The following ALDH3A1 variants were observed in gnomAD, a reference collection of about 807,000 sequenced individuals.
ALDH3A1 encodes the protein aldehyde dehydrogenase 3 family member A1.
A neutral mutation model predicts 49.9 loss-of-function variants in ALDH3A1; 46 were observed. That is an observed-to-expected ratio of 0.92 (90% confidence interval 0.73 to 1.18). ALDH3A1 has a LOEUF of 1.18. Among genes scored for constraint, ALDH3A1 ranks in the 50% most tolerant of loss-of-function variants. The probability of loss-of-function intolerance (pLI) is 0.00; values close to 1 mark genes in which losing one functional copy is unlikely to be tolerated. For missense variants in ALDH3A1, 592 were observed against 611.8 expected (o/e 0.97, Z 0.34); for synonymous variants, 269 against 253.3 (o/e 1.06, Z -0.59).
chr17:19,743,760 A>G lies in ALDH3A1; in HGVS notation c.163-297T>C. The G allele has an allele frequency of 1.0e-6, 1 of 965,262 alleles. No homozygotes were observed. The highest frequency in any genetic ancestry group is 1.2e-6 in the Non-Finnish European group (1 of 826,004). 59.8% of individuals were successfully genotyped at this position (965,262 alleles called of 1,614,324 possible). On this transcript the variant is annotated intron_variant, in intron 2 of 10. Transcript: ENST00000225740. The surrounding 1 kb of genome is among the most constrained non-coding windows in gnomAD (Gnocchi z 4.4). Reference sequence around the variant, plus strand: ...GAATGGATCCAGGTAGGGGGAATAGAGCCGGGCAGGGGAGAGTAGATTCAG... The same window carrying G: ...GAATGGATCCAGGTAGGGGGAATAGGGCCGGGCAGGGGAGAGTAGATTCAG...
chr17:19,739,208 G>A (rs976143242), intron 8 of ALDH3A1, 113 bp from the exon 9 acceptor site: 1 of 1,000,394 alleles, frequency 1.0e-6, no homozygotes, highest in Non-Finnish European at 1.5e-6. Context: ...GCAGGTGGAG[G>A]CAGAGCCTTA....
intron 6 of ALDH3A1, 62 bp from the exon 7 acceptor site, chr17:19,740,539 C>A: frequency 6.3e-7 from 1 of 1,585,924 alleles, no homozygotes; most frequent in Non-Finnish European, 8.6e-7. Flanking sequence ...CCAAAGGCTG[C>A]ACAGACACAG....
chr17:19,744,180 G>T, intron 2 of ALDH3A1: 1 of 933,230 alleles, frequency 1.1e-6, no homozygotes, highest in Non-Finnish European at 1.3e-6. Context: ...TCCTCCTGAG[G>T]AACTCCTGAG....
At chr17:19,740,174 GCCCCTGCCT>G in intron 7 of ALDH3A1, 153 bp downstream of exon 7, 2 of 866,096 alleles carry the variant, frequency 2.3e-6, no homozygotes, top group East Asian at 5.3e-5. Flanking sequence ...GCTGTCCTCA[GCCCCTGCCT>G]GCTGGAGTCT....
At position 19,739,029 on chromosome 17, in the gene ALDH3A1, T is replaced by C; in HGVS notation, c.1183A>G (p.Ile395Val). ...CCGAAGGGCAGAGAGTGCAAGGTGA[T>C]GTGGACGATGACATCGTTGGCCGCC... ...GVAANDVIVH[I>V]TLHSLPFGGV... Residue 395 changes from isoleucine to valine, a missense_variant, in exon 9 of 11, where the codon ATC becomes GTC. Transcript: ENST00000225740. 6 of 1,613,882 alleles carry C rather than the reference T, an allele frequency of 3.7e-6. No individual in the cohort carries two copies. The highest frequency in any genetic ancestry group is 5.1e-6 in the Non-Finnish European group (6 of 1,179,978).
intron 1 of ALDH3A1, among the ~76,000 whole-genome samples, chr17:19,745,848 A>G (rs1244707558): frequency 1.3e-5 from 2 of 152,368 alleles, no homozygotes; most frequent in South Asian, 4.1e-4. Flanking sequence ...TCTGTGACGA[A>G]AAGGTCCTAC....
Position 19,739,638 on chromosome 17 carries a change from G to T in ALDH3A1, c.986C>A (p.Pro329Gln), listed in dbSNP as rs764176145. ...TILTDVDPQS[P>Q]VMQEEIFGPV... is the part of the protein sequence containing the mutation. ...CCCGAAGATCTCCTCTTGCATCACC[G>T]GGGACTGGGGGTCCACGTCCGTGAG... is the stretch of plus-strand genomic sequence containing the variant. The change falls in exon 8 of 11, where the codon CCG (proline) becomes CAG (glutamine). Residue 329 changes from proline to glutamine, a missense_variant. Pro to Gln is a moderately conservative substitution (Grantham distance 76). Coordinates refer to ENST00000225740, the MANE Select transcript of ALDH3A1 (RefSeq NM_000691.5). 1 of 1,613,860 alleles carries T rather than the reference G, an allele frequency of 6.2e-7. No individual in the cohort carries two copies.
rs559439303 is a variant in ALDH3A1 at position 19,743,556 on chromosome 17, T to C, written c.163-93A>G. 432 of 1,499,622 alleles carry C rather than the reference T, an allele frequency of 2.9e-4. 1 individual carries two copies. In the African/African-American group the frequency reaches 5.3e-3, roughly 19 times the overall value. The allele number at this position is 1,499,622 out of a possible 1,614,324, so 92.9% of individuals were successfully genotyped here. A position where few individuals can be genotyped will look rare whatever the true frequency, so the allele number is the denominator to read the frequency against. ...CCCCACTGCTCAGCTGCCAGGGTGA[T>C]GGGGGTCACTCACCCAGCCCAGGGT... On this transcript the variant is annotated intron_variant, in intron 2 of 10. Coordinates refer to ENST00000225740, the MANE Select transcript of ALDH3A1 (RefSeq NM_000691.5). The surrounding 1 kb of genome is among the most constrained non-coding windows in gnomAD (Gnocchi z 4.4).
chr17:19,738,022 T>C lies in ALDH3A1; in HGVS notation c.*199A>G, dbSNP rs2086416481. On this transcript the variant is annotated 3_prime_UTR_variant, in exon 11 of 11. Transcript: ENST00000225740. ...AAAATTGTATTCGTCTCTTTATTGG[T>C]CTAGAAAGGGGTGGAGACTTGGAAT... 1.3e-6 allele frequency: 2 copies of C among 1,505,898 alleles called. No homozygotes were observed. The highest frequency in any genetic ancestry group is 2.8e-5 in the African/African-American group (2 of 72,402). The allele number at this position is 1,505,898 out of a possible 1,614,324, so 93.3% of individuals were successfully genotyped here. A position where few individuals can be genotyped will look rare whatever the true frequency, so the allele number is the denominator to read the frequency against.
chr17:19,739,087 C>T lies in ALDH3A1; in HGVS notation c.1125G>A (p.Lys375=). ...YMFSSNDKVI[K]KMIAETSSGG... is the part of the protein sequence containing the mutation. ...CACTGGATGTCTCTGCAATCATCTT[C>T]TTAATCACCTGCACCAGGACCCAGC... is the stretch of plus-strand genomic sequence containing the variant. Residue 375 remains lysine, a synonymous_variant, in exon 9 of 11, where the codon AAG becomes AAA. Coordinates refer to ENST00000225740, the MANE Select transcript of ALDH3A1 (RefSeq NM_000691.5). 2 of 1,613,380 alleles carry T rather than the reference C, an allele frequency of 1.2e-6. No individual in the cohort carries two copies. Among genetic ancestry groups the T allele is most frequent in the Non-Finnish European group, 1.7e-6 (2 of 1,179,874 alleles).
chr17:19,743,080 C>A lies in ALDH3A1; in HGVS notation c.394+152G>T. 1 of 1,534,802 alleles carries A rather than the reference C, an allele frequency of 6.5e-7. No individual in the cohort carries two copies. The highest frequency in any genetic ancestry group is 2.0e-5 in the Admixed American group (1 of 50,938). ...GGACCTCAGGCACCAAGAGGCCTGG[C>A]TAAACAGCTTGGTCCCCACAGCCTC... On this transcript the variant is annotated intron_variant, in intron 3 of 10. Coordinates refer to ENST00000225740, the MANE Select transcript of ALDH3A1 (RefSeq NM_000691.5). This position sits in a 1 kb window ranked among gnomAD's most constrained non-coding sequence, Gnocchi z 4.4.
At chr17:19,744,560 G>A in intron 2 of ALDH3A1, 1 of 985,452 alleles carries the variant, frequency 1.0e-6, no homozygotes, top group Non-Finnish European at 1.2e-6. Flanking sequence ...GTGAGGGACG[G>A]AACAGCCCCT....
intron 8 of ALDH3A1, 89 bp from the exon 9 acceptor site, chr17:19,739,184 C>T: frequency 8.3e-7 from 1 of 1,206,336 alleles, no homozygotes; most frequent in Admixed American, 2.0e-5. Flanking sequence ...TAGCCTGGAG[C>T]CACAAGGACA....
At chr17:19,739,781 C>T in intron 7 of ALDH3A1, 107 bp from the exon 8 acceptor site, 2 of 1,396,886 alleles carry the variant, frequency 1.4e-6, no homozygotes, top group Non-Finnish European at 1.9e-6. Flanking sequence ...CAAACCTGCC[C>T]AGGCTTGGAA....
In ALDH3A1 at chr17:19,742,882, G is replaced by C; in HGVS notation, c.395-252C>G. Reference sequence around the variant, plus strand: ...CCTCTGAGTTGCTGAGATGTTGGAGGAAAAGCAGAAAGGGGAGAGAGGCTC... The same window carrying C: ...CCTCTGAGTTGCTGAGATGTTGGAGCAAAAGCAGAAAGGGGAGAGAGGCTC... On this transcript the variant is annotated intron_variant, in intron 3 of 10. Transcript: ENST00000225740. 5 of 1,529,990 alleles carry C rather than the reference G, an allele frequency of 3.3e-6. No individual in the cohort carries two copies. In the South Asian group the frequency reaches 6.0e-5, roughly 18 times the overall value. 94.8% of individuals were successfully genotyped at this position (1,529,990 alleles called of 1,614,324 possible).
At chr17:19,744,789 G>C in intron 2 of ALDH3A1, 179 bp downstream of exon 2, 1 of 1,369,904 alleles carries the variant, frequency 7.3e-7, no homozygotes, top group African/African-American at 1.5e-5. Context: ...GGAAGAGGCG[G>C]CGGGGGCGCG....
chr17:19,744,335 G>A lies in ALDH3A1; in HGVS notation c.162+633C>T, dbSNP rs1258830578. ...GGAGAATTGCCTGAACCCGGGAGGC[G>A]GAGGTTGCAGTGAGCCGAGATCGCG... On this transcript the variant is annotated intron_variant, in intron 2 of 10. Coordinates refer to ENST00000225740, the MANE Select transcript of ALDH3A1 (RefSeq NM_000691.5). 9.5e-6 allele frequency: 8 copies of A among 845,670 alleles called. No individual in the cohort carries two copies. The African/African-American group carries it at 1.1e-4, about 12-fold the overall frequency. The allele number at this position is 845,670 out of a possible 1,614,324, so 52.4% of individuals were successfully genotyped here.
rs1355667065 is a variant in ALDH3A1 at position 19,738,982 on chromosome 17, A to G, written c.1216+14T>C. ...GGGCCCAGAGGGAGGCAGCAAGCTC[A>G]GCCCCAGACTCACCCACGCCCCCGA... On this transcript the variant is annotated intron_variant, in intron 9 of 10. Coordinates refer to ENST00000225740, the MANE Select transcript of ALDH3A1 (RefSeq NM_000691.5). 5.0e-6 allele frequency: 8 copies of G among 1,608,734 alleles called. No individual in the cohort carries two copies. Among genetic ancestry groups the G allele is most frequent in the Non-Finnish European group, 6.8e-6 (8 of 1,177,596 alleles).
intron 1 of ALDH3A1, 80 bp from the exon 2 acceptor site, chr17:19,745,214 G>C (rs1215147738): frequency 7.0e-7 from 1 of 1,419,008 alleles, no homozygotes; most frequent in Admixed American, 2.5e-5. Context: ...TCTATAGGAA[G>C]GGACTTCCCT....
Sources: gnomAD v4.1 joint callset for allele counts (sites outside exome capture counted in the v4.1 genomes callset) on GRCh38, gnomAD v4.1.1 for gene constraint, Gnocchi (gnomAD v3.1) non-coding constraint, MANE v1.5 for transcripts, NCBI Gene and HGNC (gene_info 2026-07-23, HGNC 2026-07-21) for gene names.